USP24: variants seen among roughly 807,000 people sequenced by gnomAD.
The protein encoded by USP24 is ubiquitin carboxyl-terminal hydrolase 24.
USP24 carries 97 observed loss-of-function variants against 361.6 expected under a neutral mutation model. That is an observed-to-expected ratio of 0.27 (90% confidence interval 0.23 to 0.32). USP24 has a LOEUF of 0.32. Ranked by LOEUF, USP24 falls within the 10% of genes least tolerant of loss-of-function variation. The pLI is 1.00. For missense variants in USP24, 2,353 were observed against 3,165.6 expected, an observed-to-expected ratio of 0.74 and a Z score of 6.16; for synonymous variants, 1,098 against 1,124.6, an observed-to-expected ratio of 0.98 and a Z score of 0.47.
chr1:55,188,539 T>G (rs1490905728), intron 1 of USP24, among the ~76,000 whole-genome samples: 4 of 150,808 alleles, frequency 2.7e-5, no homozygotes, highest in African/African-American at 7.3e-5. Context: ...GGCAAAAGAT[T>G]TGAATAAATG....
intron 5 of USP24, among the ~76,000 whole-genome samples, chr1:55,168,373 TA>T (rs1649103889): frequency 1.3e-5 from 2 of 151,354 alleles, no homozygotes; most frequent in African/African-American, 4.9e-5. Context: ...CACTACTGGA[TA>T]AAAACACTAA....
At chr1:55,083,433 C>G in intron 57 of USP24, 69 bp from the exon 58 acceptor site, 2 of 1,456,666 alleles carry the variant, frequency 1.4e-6, no homozygotes, top group Non-Finnish European at 1.9e-6. Flanking sequence ...AAAAACACAG[C>G]TAAATGGAAA....
Position 55,159,004 on chromosome 1 carries a change from G to T in USP24, c.1101C>A (p.Ala367=), listed in dbSNP as rs374431934. Residue 367 remains alanine (A), a synonymous_variant, in exon 10 of 68, where the codon GCC becomes GCA. Coordinates refer to ENST00000294383, the MANE Select transcript of USP24 (RefSeq NM_015306.3). The part of the protein sequence containing the change: ...RLVSIPELLS[A]VKLLCMRFQP... The stretch of plus-strand genomic sequence containing the variant: ...GGAAGCGCATGCAAAGTAACTTAAC[G>T]GCAGACAAGAGCTCAGGGATGCTAA... The T allele has an allele frequency of 1.9e-5, 30 of 1,576,342 alleles. No homozygotes were observed. Among genetic ancestry groups the T allele is most frequent in the Non-Finnish European group, 2.5e-5 (29 of 1,158,636 alleles).
chr1:55,091,407 TCTTCCATGAAACCACTCC>T (rs1194309848), intron 54 of USP24, among the ~76,000 whole-genome samples: 1 of 152,170 alleles, frequency 6.6e-6, no homozygotes, highest in Admixed American at 6.5e-5. Flanking sequence ...GGAAAAATTG[TCTTCCATGAAACCACTCC>T]CTGTTGCTAA....
intron 62 of USP24, 134 bp from the exon 63 acceptor site, chr1:55,075,657 CAACAACAA>C: frequency 1.0e-5 from 5 of 496,690 alleles, no homozygotes; most frequent in Non-Finnish European, 1.6e-5. Context: ...ACAACAACAA[CAACAACAA>C]CACCACCACC....
At chr1:55,081,926 C>T (rs1258300958) in intron 58 of USP24, among the ~76,000 whole-genome samples, 3 of 152,238 alleles carry the variant, frequency 2.0e-5, no homozygotes, top group Non-Finnish European at 4.4e-5. Flanking sequence ...ATTAATTATA[C>T]ATGCAGCTGA....
At chr1:55,100,506 A>G (rs950365032) in intron 44 of USP24, among the ~76,000 whole-genome samples, 1 of 152,202 alleles carries the variant, frequency 6.6e-6, no homozygotes, top group Non-Finnish European at 1.5e-5. Flanking sequence ...CAAAAAAAAA[A>G]AAAAAGTGTT....
intron 1 of USP24, among the ~76,000 whole-genome samples, chr1:55,199,947 G>GT (rs1190407298): frequency 6.6e-6 from 1 of 152,116 alleles, no homozygotes; most frequent in Non-Finnish European, 1.5e-5. Flanking sequence ...TTACATGGAC[G>GT]GCAGCAGGCA....
chr1:55,154,855 G>A (rs12743876), intron 12 of USP24, 77 bp from the exon 13 acceptor site: 5 of 1,051,784 alleles, frequency 4.8e-6, no homozygotes, highest in Middle Eastern at 2.1e-4. Context: ...GCAACTTACA[G>A]AAGCACAAGC....
Position 55,134,060 on chromosome 1 carries a change from A to C in USP24, c.3381+10T>G. Reference sequence around the variant, plus strand: ...ATAAAATTGCCATGCTAGTTAAAAAATACTCATACCTTTCTTCCTAAAGAA... The same window carrying C: ...ATAAAATTGCCATGCTAGTTAAAAACTACTCATACCTTTCTTCCTAAAGAA... On this transcript the variant is annotated intron_variant, in intron 30 of 67. Transcript: ENST00000294383. 1 of 1,611,790 alleles carries C rather than the reference A, an allele frequency of 6.2e-7. No individual in the cohort carries two copies. Among genetic ancestry groups the C allele is most frequent in the Non-Finnish European group, 8.5e-7 (1 of 1,178,580 alleles).
rs185908275 is a variant in USP24, at chr1:55,068,357, A to T, written c.*688T>A. The T allele has an allele frequency of 9.8e-5, 15 of 152,328 alleles. No homozygotes were observed. The East Asian group carries it at 2.9e-3, about 29-fold the overall frequency. 9.4% of individuals were successfully genotyped at this position (152,328 alleles called of 1,614,324 possible). On this transcript the variant is annotated 3_prime_UTR_variant, in exon 68 of 68. Transcript: ENST00000294383. ...AGCATTTTCAAAATTGCTCTTTTCA[A>T]TCTAATTATATCAGAAAAATATCTT...
chr1:55,188,903 T>C (rs1467257157), intron 1 of USP24, among the ~76,000 whole-genome samples: 5 of 135,242 alleles, frequency 3.7e-5, no homozygotes, highest in Non-Finnish European at 3.0e-5. Flanking sequence ...GAGGTTGTGG[T>C]GAGCAGAGAT....
chr1:55,109,321 T>C (rs1273105371), intron 39 of USP24, among the ~76,000 whole-genome samples: 2 of 152,242 alleles, frequency 1.3e-5, no homozygotes, highest in East Asian at 3.8e-4. Context: ...TGAAAGCATC[T>C]GCCACCATAG....
intron 1 of USP24, among the ~76,000 whole-genome samples, chr1:55,210,556 C>T (rs1644824335): frequency 6.6e-6 from 1 of 152,110 alleles, no homozygotes; most frequent in South Asian, 2.1e-4. Flanking sequence ...TACACATTGA[C>T]AGTATTACAA....
chr1:55,197,702 C>T (rs188047240), intron 1 of USP24, among the ~76,000 whole-genome samples: 106 of 152,260 alleles, frequency 7.0e-4, no homozygotes, highest in Admixed American at 5.7e-3. Context: ...AATGTCTATT[C>T]GATACCTAAA....
chr1:55,095,144 A>T (rs1251438214), intron 51 of USP24, 111 bp downstream of exon 51: 2 of 1,256,726 alleles, frequency 1.6e-6, no homozygotes, highest in Non-Finnish European at 2.1e-6. Context: ...TTCTTTTTAG[A>T]ATTTCTCTCC....
intron 41 of USP24, 26 bp downstream of exon 41, chr1:55,106,120 C>T: frequency 6.3e-7 from 1 of 1,575,070 alleles, no homozygotes; most frequent in Non-Finnish European, 8.7e-7. Flanking sequence ...TTTACCAAAA[C>T]TGAACACAAC....
At position 55,194,795 on chromosome 1, in the gene USP24, C is replaced by T. The variant is rs750355256; in HGVS notation, c.325-16663G>A. The stretch of plus-strand genomic sequence containing the variant: ...GTTACTTCTCTAACATTCCTAACCC[C>T]GGAACTGTGTCCTCGTCCCAGCCAG... On this transcript the variant is annotated intron_variant, in intron 1 of 67. Coordinates refer to ENST00000294383, the MANE Select transcript of USP24 (RefSeq NM_015306.3). Among the ~76,000 whole-genome samples the T allele has an allele frequency of 2.6e-5, 4 of 152,084 alleles. No homozygotes were observed. In the South Asian group the frequency reaches 6.2e-4, roughly 24 times the overall value.
chr1:55,156,883 C>A, intron 12 of USP24, 65 bp downstream of exon 12: 2 of 1,154,288 alleles, frequency 1.7e-6, no homozygotes, highest in Non-Finnish European at 2.6e-6. Context: ...TCTCTCATCA[C>A]CCTTTTCGCT....
Sources: allele counts gnomAD v4.1 joint callset (sites outside exome capture counted in the v4.1 genomes callset), GRCh38; gene constraint gnomAD v4.1.1; transcripts MANE v1.5; gene names NCBI Gene and HGNC (gene_info 2026-07-23, HGNC 2026-07-21).